Variants in STK32B observed in about 807,000 individuals in gnomAD.
The protein encoded by STK32B is serine/threonine kinase 32B.
STK32B carries 43 observed loss-of-function variants against 52.6 expected under a neutral mutation model. That is an observed-to-expected ratio of 0.82 (90% CI 0.64 to 1.05). The LOEUF (loss-of-function observed/expected upper bound fraction) is 1.05. Ranked by LOEUF, STK32B falls within the 50% of genes least tolerant of loss-of-function variation. The pLI is 0.00. For missense variants in STK32B, 621 were observed against 534.6 expected, an observed-to-expected ratio of 1.16 and a Z score of -1.59; for synonymous variants, 238 against 204.3, an observed-to-expected ratio of 1.17 and a Z score of -1.41.
At chr4:5,116,054 C>T (rs1345583158) in intron 1 of STK32B, among the ~76,000 whole-genome samples, 1 of 152,110 alleles carries the variant, frequency 6.6e-6, no homozygotes, top group Non-Finnish European at 1.5e-5. Flanking sequence ...GTGGGAGAGA[C>T]AGACCCTCAG....
intron 1 of STK32B, among the ~76,000 whole-genome samples, chr4:5,084,652 ATATTTCTGTGCTAAGAACAATT>A (rs1218604111): frequency 6.6e-6 from 1 of 152,158 alleles, no homozygotes; most frequent in Non-Finnish European, 1.5e-5. Context: ...TTGTTTTCAA[ATATTTCTGTGCTAAGAACAATT>A]TTCTTTCTTT....
chr4:5,093,562 T>G (rs1577063541), intron 1 of STK32B, among the ~76,000 whole-genome samples: 3 of 149,844 alleles, frequency 2.0e-5, no homozygotes, highest in African/African-American at 2.5e-5. Context: ...GGGCCTGTTG[T>G]GAGGTGGGGG....
chr4:5,277,267 A>G (rs1727885433), intron 3 of STK32B, among the ~76,000 whole-genome samples: 5 of 152,254 alleles, frequency 3.3e-5, no homozygotes, highest in Admixed American at 3.3e-4. Flanking sequence ...CATCGGAATC[A>G]TTATTTGTGC....
chr4:5,241,684 T>C (rs1001876099), intron 3 of STK32B, among the ~76,000 whole-genome samples: 7 of 152,146 alleles, frequency 4.6e-5, no homozygotes, highest in African/African-American at 1.7e-4. Context: ...CATTAACTCA[T>C]CATTTAGCAT....
chr4:5,106,453 C>A (rs1714112658), intron 1 of STK32B, among the ~76,000 whole-genome samples: 1 of 152,062 alleles, frequency 6.6e-6, no homozygotes, highest in Non-Finnish European at 1.5e-5. Context: ...TCTCAGTATT[C>A]CCCTAGAAAA....
chr4:5,330,094 CACTT>C (rs2108952620), intron 3 of STK32B, among the ~76,000 whole-genome samples: 1 of 152,300 alleles, frequency 6.6e-6, no homozygotes, highest in Admixed American at 6.5e-5. Context: ...CTTGTCCTCA[CACTT>C]ACAATGACTC....
At chr4:5,318,038 GT>G (rs1445196471) in intron 3 of STK32B, among the ~76,000 whole-genome samples, 2 of 152,142 alleles carry the variant, frequency 1.3e-5, no homozygotes, top group Non-Finnish European at 2.9e-5. Context: ...GCCTGCTGAA[GT>G]TTGAGAACCA....
At position 5,362,112 on chromosome 4, in the gene STK32B, T is replaced by G. The variant is rs188188046; in HGVS notation, c.434+30719T>G. 1.9e-4 allele frequency among the ~76,000 whole-genome samples: 29 copies of G among 152,288 alleles called. No individual in the cohort carries two copies. The South Asian group carries it at 2.3e-3, about 12-fold the overall frequency. Reference sequence around the variant, plus strand: ...GAGAGACTTCATCATCATCAAGATGTATAGAACACATTTTTAAGCAATAAA... The same window carrying G: ...GAGAGACTTCATCATCATCAAGATGGATAGAACACATTTTTAAGCAATAAA... On this transcript the variant is annotated intron_variant, in intron 4 of 11. Transcript: ENST00000282908.
chr4:5,180,824 C>A (rs1036975411), intron 3 of STK32B, among the ~76,000 whole-genome samples: 1 of 152,194 alleles, frequency 6.6e-6, no homozygotes. Flanking sequence ...ATTTTCATAG[C>A]AATTTTTGCC....
chr4:5,366,178 C>A (rs1320854583), intron 4 of STK32B, among the ~76,000 whole-genome samples: 1 of 152,126 alleles, frequency 6.6e-6, no homozygotes, highest in African/African-American at 2.4e-5. Context: ...TGGCCTCAAT[C>A]CCCTGGGCCT....
the STK32B span, among the ~76,000 whole-genome samples, chr4:5,033,724 C>T: frequency 1.3e-5 from 2 of 152,268 alleles, no homozygotes; most frequent in Admixed American, 6.5e-5. Flanking sequence ...TGTTTACAAC[C>T]GCCCTGGGAG....
At chr4:5,137,530 T>C (rs1356749845) in intron 1 of STK32B, among the ~76,000 whole-genome samples, 1 of 62,880 alleles carries the variant, frequency 1.6e-5, no homozygotes. Flanking sequence ...AACACAGAGC[T>C]AGCACTTTTT....
chr4:5,141,834 T>C (rs564965136), intron 2 of STK32B, among the ~76,000 whole-genome samples: 1 of 152,278 alleles, frequency 6.6e-6, no homozygotes, highest in Admixed American at 6.5e-5. Flanking sequence ...CCTTCCTCAG[T>C]GGGATGAGAT....
rs1451648143 is a variant in STK32B at position 5,145,517 on chromosome 4, CAA to C, written c.108+5559_108+5560del. Among the ~76,000 whole-genome samples the C allele has an allele frequency of 2.0e-5, 3 of 152,314 alleles. No homozygotes were observed. In the East Asian group the frequency reaches 5.8e-4, roughly 29 times the overall value. ...GACCCTTTACTGTCAAAACCTCTCT[CAA>C]AGTCAACTACTCCATCCATTATAGA... On this transcript the variant is annotated intron_variant, in intron 2 of 11. Transcript: ENST00000282908.
chr4:5,054,139 C>A (rs1741902724), intron 1 of STK32B, among the ~76,000 whole-genome samples: 1 of 152,176 alleles, frequency 6.6e-6, no homozygotes, highest in South Asian at 2.1e-4. Flanking sequence ...TTGCCACCAA[C>A]CGACTCATTT....
At chr4:5,198,484 T>C (rs138185580) in intron 3 of STK32B, among the ~76,000 whole-genome samples, 247 of 152,366 alleles carry the variant, frequency 1.6e-3, no homozygotes, top group African/African-American at 5.8e-3. Context: ...CAACCAATGC[T>C]TTCTGCATGA....
At chr4:5,316,877 ATATATTATATATAT>A (rs1730910755) in intron 3 of STK32B, among the ~76,000 whole-genome samples, 2 of 4,306 alleles carry the variant, frequency 4.6e-4, no homozygotes, top group Non-Finnish European at 3.1e-4. Context: ...ATTATATATA[ATATATTATATATAT>A]TATATATAAT....
At chr4:5,492,092 G>T (rs1356791810) in intron 11 of STK32B, among the ~76,000 whole-genome samples, 1 of 152,112 alleles carries the variant, frequency 6.6e-6, no homozygotes, top group Non-Finnish European at 1.5e-5. Flanking sequence ...GAACTTTAAA[G>T]TAGTTTTTTC....
intron 3 of STK32B, among the ~76,000 whole-genome samples, chr4:5,228,845 T>C (rs975930167): frequency 5.3e-5 from 8 of 152,102 alleles, no homozygotes; most frequent in Non-Finnish European, 7.3e-5. Flanking sequence ...TGGGTGCCTG[T>C]AATCCCAGCT....
Sources: gnomAD v4.1 joint callset for allele counts (sites outside exome capture counted in the v4.1 genomes callset) on GRCh38, gnomAD v4.1.1 for gene constraint, MANE v1.5 for transcripts, NCBI Gene and HGNC (gene_info 2026-07-23, HGNC 2026-07-21) for gene names.